The following CDH23 variants were observed in gnomAD, a reference collection of about 807,000 sequenced individuals.
CDH23 encodes the protein cadherin related 23.
A neutral mutation model predicts 317.1 loss-of-function variants in CDH23; 189 were observed. The observed-to-expected ratio is 0.60, with a 90% CI of 0.53 to 0.67. The LOEUF (loss-of-function observed/expected upper bound fraction) is 0.67, where lower values mean the gene tolerates loss of function less well. Ranked by LOEUF, CDH23 falls within the 30% of genes least tolerant of loss-of-function variation. The pLI, the probability that CDH23 is intolerant of heterozygous loss-of-function variation, is 0.00. For missense variants in CDH23, 4,401 were observed against 4,592.4 expected, an observed-to-expected ratio of 0.96 and a Z score of 1.20; for synonymous variants, 1,839 against 1,876.8, an observed-to-expected ratio of 0.98 and a Z score of 0.52.
intron 1 of CDH23, among the ~76,000 whole-genome samples, chr10:71,431,194 T>C (rs193092689): frequency 2.0e-5 from 3 of 152,336 alleles, no homozygotes; most frequent in Admixed American, 2.0e-4. Context: ...AATAAATCTT[T>C]TGCTGTATGA....
chr10:71,795,678 C>T, intron 48 of CDH23: 1 of 462,472 alleles, frequency 2.2e-6, no homozygotes, highest in Non-Finnish European at 2.8e-6. Context: ...AGTGCCTCTT[C>T]CCCTCCCCAC....
chr10:71,471,710 C>T (rs1219521065), intron 3 of CDH23, among the ~76,000 whole-genome samples: 1 of 152,152 alleles, frequency 6.6e-6, no homozygotes, highest in East Asian at 1.9e-4. Context: ...TGTTTCTGAC[C>T]CCAGGGCCTT....
chr10:71,811,222 T>C (rs1252703879), intron 62 of CDH23, 93 bp from the exon 63 acceptor site: 1 of 1,591,134 alleles, frequency 6.3e-7, no homozygotes, highest in African/African-American at 1.3e-5. Flanking sequence ...TTGGGGTTGT[T>C]GAACTTTGGA....
rs1040363804 is a variant in CDH23 at position 71,791,286 on chromosome 10, C to A, written c.6204C>A (p.Thr2068=). The change falls in exon 47 of 70, where the codon ACC becomes ACA. Residue 2068 remains threonine (T), a synonymous_variant. Transcript: ENST00000224721. The part of the protein sequence containing the change: ...TILDDNDNRP[T]FSPATLTVHL... ...TGGATGACAATGACAACCGGCCCAC[C>A]TTTAGCCCTGCCACCCTCACTGTCC... The A allele has an allele frequency of 6.2e-7, 1 of 1,613,956 alleles. No homozygotes were observed. The highest frequency in any genetic ancestry group is 8.5e-7 in the Non-Finnish European group (1 of 1,179,890).
At chr10:71,582,012 C>T (rs1396378342) in intron 9 of CDH23, among the ~76,000 whole-genome samples, 1 of 152,208 alleles carries the variant, frequency 6.6e-6, no homozygotes, top group African/African-American at 2.4e-5. Context: ...TCCTGTGGTC[C>T]TCGCCCGTGG....
chr10:71,539,584 G>C (rs541469034), intron 6 of CDH23, among the ~76,000 whole-genome samples: 4 of 151,862 alleles, frequency 2.6e-5, no homozygotes, highest in African/African-American at 9.7e-5. Flanking sequence ...AACCCAATTT[G>C]TTCCTGCTGT....
intron 9 of CDH23, among the ~76,000 whole-genome samples, chr10:71,608,459 C>T (rs1306307839): frequency 6.6e-6 from 1 of 152,210 alleles, no homozygotes; most frequent in African/African-American, 2.4e-5. Flanking sequence ...TCCCGAGCTC[C>T]TCATAAGCCA....
At position 71,743,011 on chromosome 10, in the gene CDH23, G is replaced by T. The variant is rs10999980; in HGVS notation, c.4845+1090G>T. ...AACTCATCCTCCAGAAGGCTAGCCC[G>T]TGCCTGTTCTTATGGGGCTGGAAAG... On this transcript the variant is annotated intron_variant, in intron 38 of 69. Coordinates refer to ENST00000224721, the MANE Select transcript of CDH23 (RefSeq NM_022124.6). 2.0e-5 allele frequency among the ~76,000 whole-genome samples: 3 copies of T among 152,180 alleles called. No individual in the cohort carries two copies. The East Asian group carries it at 5.8e-4, about 29-fold the overall frequency.
intron 6 of CDH23, among the ~76,000 whole-genome samples, chr10:71,516,018 G>T (rs1244018955): frequency 1.3e-5 from 2 of 152,194 alleles, no homozygotes; most frequent in African/African-American, 2.4e-5. Context: ...TGGTGTCTAT[G>T]AATATCACTC....
chr10:71,740,070 G>A lies in CDH23; in HGVS notation c.4488+298G>A, dbSNP rs1227057. ...GCCTGGTGGAGCTGGGAGAGCCCCAGCTCTTCTACAAATACAGTGTGGCCT... is the reference window on the plus strand; with the variant it reads ...GCCTGGTGGAGCTGGGAGAGCCCCAACTCTTCTACAAATACAGTGTGGCCT... On this transcript the variant is annotated intron_variant, in intron 36 of 69. Coordinates refer to ENST00000224721, the MANE Select transcript of CDH23 (RefSeq NM_022124.6). Among the ~76,000 whole-genome samples, 111,103 of 152,070 alleles carry A rather than the reference G, an allele frequency of 0.73. 41,169 individuals are homozygous for A. Among genetic ancestry groups the A allele is most frequent in the Non-Finnish European group, 0.81 (54,834 of 67,982 alleles).
chr10:71,466,561 CAT>C (rs2132075084), intron 3 of CDH23, among the ~76,000 whole-genome samples: 1 of 152,160 alleles, frequency 6.6e-6, no homozygotes. Context: ...TGTCCCTGCA[CAT>C]GTGTGCATGT....
At chr10:71,401,734 A>C (rs1000868567) in intron 1 of CDH23, among the ~76,000 whole-genome samples, 4 of 152,204 alleles carry the variant, frequency 2.6e-5, no homozygotes, top group African/African-American at 9.7e-5. Flanking sequence ...CATCTACGTG[A>C]TGGAAGTCAG....
chr10:71,812,298 T>C (rs781514740), intron 66 of CDH23, 182 bp from the exon 67 acceptor site: 35 of 1,598,640 alleles, frequency 2.2e-5, no homozygotes, highest in Non-Finnish European at 2.9e-5. Flanking sequence ...TGACATGCGG[T>C]CCTGGTTCCA....
intron 13 of CDH23, among the ~76,000 whole-genome samples, 162 bp from the exon 14 acceptor site, chr10:71,646,297 C>T (rs935699468): frequency 2.0e-5 from 3 of 152,206 alleles, no homozygotes; most frequent in African/African-American, 7.2e-5. Context: ...ATCCCTAGAG[C>T]AATAACAGAC....
At chr10:71,700,427 G>A (rs1865538548) in intron 22 of CDH23, among the ~76,000 whole-genome samples, 2 of 152,208 alleles carry the variant, frequency 1.3e-5, no homozygotes, top group Non-Finnish European at 2.9e-5. Context: ...GTTGAGAGAA[G>A]CATTGTAGAA....
At chr10:71,438,363 A>AG (rs1214767219) in intron 1 of CDH23, among the ~76,000 whole-genome samples, 2 of 150,962 alleles carry the variant, frequency 1.3e-5, no homozygotes, top group East Asian at 3.9e-4. Context: ...AAAAAAAAAA[A>AG]AAGAAAGAAA....
chr10:71,773,852 T>C (rs1432699111), intron 38 of CDH23, among the ~76,000 whole-genome samples: 1 of 152,134 alleles, frequency 6.6e-6, no homozygotes, highest in Non-Finnish European at 1.5e-5. Flanking sequence ...CACCAGCCTT[T>C]GAGTGATCTG....
chr10:71,780,715 T>G (rs1840930045), intron 41 of CDH23, among the ~76,000 whole-genome samples: 1 of 152,086 alleles, frequency 6.6e-6, no homozygotes, highest in East Asian at 1.9e-4. Context: ...TTATTTGACT[T>G]AGGTTTCAGC....
intron 1 of CDH23, among the ~76,000 whole-genome samples, chr10:71,419,359 A>G (rs1168655321): frequency 6.6e-6 from 1 of 152,150 alleles, no homozygotes; most frequent in Non-Finnish European, 1.5e-5. Flanking sequence ...ACCCCAGTAC[A>G]TCACTGTGCC....
Sources: gnomAD v4.1 joint callset for allele counts (sites outside exome capture counted in the v4.1 genomes callset) on GRCh38, gnomAD v4.1.1 for gene constraint, MANE v1.5 for transcripts, NCBI Gene and HGNC (gene_info 2026-07-23, HGNC 2026-07-21) for gene names.